The following ARHGEF6 variants were observed in gnomAD, a reference collection of about 807,000 sequenced individuals.
ARHGEF6 encodes the protein Rac/Cdc42 guanine nucleotide exchange factor 6.
Under a neutral mutation model 70.3 loss-of-function variants are expected in ARHGEF6, and 9 were observed. That is an observed-to-expected ratio of 0.13 (90% CI 0.08 to 0.22). ARHGEF6 has a LOEUF of 0.22. ARHGEF6 is among the 10% of genes least tolerant of loss of function. The pLI, the probability that ARHGEF6 is intolerant of heterozygous loss-of-function variation, is 1.00. For missense variants in ARHGEF6, 470 were observed against 563.0 expected (o/e 0.83, Z 1.67); for synonymous variants, 201 against 207.8 (o/e 0.97, Z 0.28).
At chrX:136,672,519 C>T (rs2076235471) in intron 19 of ARHGEF6, among the ~76,000 whole-genome samples, 1 of 111,869 alleles carries the variant, frequency 8.9e-6, no homozygotes, top group Non-Finnish European at 1.9e-5. Flanking sequence ...AGTGTTTTGT[C>T]ATTGTAGTAA....
chrX:136,685,604 CAAAAA>C (rs377510796), intron 12 of ARHGEF6, 68 bp downstream of exon 12: 702 of 928,322 alleles, frequency 7.6e-4, no homozygotes, highest in Admixed American at 8.7e-4. Context: ...AAGACTCCGT[CAAAAA>C]AAAAAAAAAA....
At chrX:136,734,999 G>A (rs189042187) in intron 5 of ARHGEF6, among the ~76,000 whole-genome samples, 10 of 112,033 alleles carry the variant, frequency 8.9e-5, no homozygotes, top group African/African-American at 1.3e-4. Context: ...TTAATAAAGT[G>A]CATCTACAAA....
intron 15 of ARHGEF6, 80 bp downstream of exon 15, chrX:136,680,651 G>T: frequency 9.0e-7 from 1 of 1,111,534 alleles, no homozygotes; most frequent in Non-Finnish European, 1.2e-6. Flanking sequence ...GGGTGTGCTC[G>T]CTGCTTCTTG....
intron 16 of ARHGEF6, 95 bp from the exon 17 acceptor site, chrX:136,678,051 G>C: frequency 1.3e-6 from 1 of 775,928 alleles, no homozygotes; most frequent in Non-Finnish European, 2.0e-6. Context: ...AACAACATTT[G>C]AAATGTTAGT....
intron 9 of ARHGEF6, among the ~76,000 whole-genome samples, chrX:136,694,605 C>T (rs2076492594): frequency 9.0e-6 from 1 of 111,689 alleles, no homozygotes; most frequent in Admixed American, 9.5e-5. Context: ...TCTGTCTTAG[C>T]ACCAACTCCT....
chrX:136,740,056 T>G, intron 5 of ARHGEF6, among the ~76,000 whole-genome samples: 1 of 110,995 alleles, frequency 9.0e-6, no homozygotes, highest in Non-Finnish European at 1.9e-5. Context: ...TCACCCAGGC[T>G]GGAGTGCAGT....
intron 2 of ARHGEF6, among the ~76,000 whole-genome samples, chrX:136,778,505 G>A (rs73228710): frequency 1.4e-3 from 136 of 100,119 alleles, no homozygotes; most frequent in Non-Finnish European, 2.4e-3. Context: ...TTTTTTTTTC[G>A]AGACAAGGTC....
At chrX:136,694,056 CTTTTT>C (rs1222897407) in intron 9 of ARHGEF6, among the ~76,000 whole-genome samples, 1 of 96,220 alleles carries the variant, frequency 1.0e-5, no homozygotes, top group Non-Finnish European at 2.1e-5. Context: ...GTCCCCACTC[CTTTTT>C]TTTTTTTTTT....
At chrX:136,772,476 C>A (rs1392369044) in intron 2 of ARHGEF6, among the ~76,000 whole-genome samples, 1 of 112,521 alleles carries the variant, frequency 8.9e-6, no homozygotes, top group Non-Finnish European at 1.9e-5. Context: ...GATTATTACA[C>A]ATTGCATGCC....
At chrX:136,709,615 G>A (rs756355131) in intron 7 of ARHGEF6, among the ~76,000 whole-genome samples, 22 of 112,842 alleles carry the variant, frequency 1.9e-4, no homozygotes, top group Non-Finnish European at 3.2e-4. Context: ...TCTAGCTGCA[G>A]AGTCCATGCT....
rs1263719644 is a variant in ARHGEF6, at chrX:136,669,551, TA to T, written c.2136-16del. The T allele has an allele frequency of 8.4e-7, 1 of 1,193,253 alleles. No individual in the cohort carries two copies. The highest frequency in any genetic ancestry group is 3.0e-5 in the East Asian group (1 of 33,773). On this transcript the variant is annotated splice_polypyrimidine_tract_variant and intron_variant, in intron 20 of 21. Transcript: ENST00000250617. ...CAACAAGGCTCCTAGAAAATAAAGA[TA>T]AAATTCAGAGACAAATGGCTTGCAC... is the stretch of plus-strand genomic sequence containing the variant.
intron 5 of ARHGEF6, among the ~76,000 whole-genome samples, chrX:136,733,540 C>A (rs994726428): frequency 2.7e-5 from 3 of 111,459 alleles, no homozygotes; most frequent in African/African-American, 9.8e-5. Context: ...ATCTTTCTAA[C>A]CTTACCTGCA....
chrX:136,738,366 T>G (rs1412753627), intron 5 of ARHGEF6, among the ~76,000 whole-genome samples: 1 of 111,487 alleles, frequency 9.0e-6, no homozygotes, highest in Non-Finnish European at 1.9e-5. Flanking sequence ...CACAGAGACA[T>G]GCACACACAA....
intron 6 of ARHGEF6, among the ~76,000 whole-genome samples, chrX:136,716,940 TG>T (rs2076742766): frequency 9.0e-6 from 1 of 111,226 alleles, no homozygotes; most frequent in Admixed American, 9.5e-5. Flanking sequence ...GGAAAAAGAC[TG>T]GGGGTAAAAA....
intron 9 of ARHGEF6, among the ~76,000 whole-genome samples, chrX:136,694,333 G>A (rs1051807963): frequency 3.6e-5 from 4 of 112,110 alleles, no homozygotes; most frequent in South Asian, 3.7e-4. Context: ...GATTACAGGC[G>A]TGAGCCACCG....
chrX:136,727,199 G>T (rs920254347), intron 6 of ARHGEF6, among the ~76,000 whole-genome samples: 2 of 111,705 alleles, frequency 1.8e-5, no homozygotes, highest in Admixed American at 9.5e-5. Flanking sequence ...TGTGTTAAGG[G>T]GAAGTGGTTA....
chrX:136,726,108 T>C (rs928021240), intron 6 of ARHGEF6, among the ~76,000 whole-genome samples: 1 of 112,128 alleles, frequency 8.9e-6, no homozygotes, highest in Admixed American at 9.5e-5. Flanking sequence ...AAATATTACA[T>C]TATAGGAATT....
Position 136,708,756 on chromosome X carries a change from T to A in ARHGEF6, c.842A>T (p.Glu281Val). 1 of 1,192,862 alleles carries A rather than the reference T, an allele frequency of 8.4e-7. No homozygotes were observed. The highest frequency in any genetic ancestry group is 3.0e-5 in the East Asian group (1 of 33,472). Residue 281 changes from glutamate to valine, a missense_variant, in exon 8 of 22, where the codon GAG becomes GTG. By Grantham distance (121) the Glu-to-Val change is moderately radical. This residue lies in a region of ARHGEF6 where 379 missense variants were observed against 449.3 expected (regional missense o/e 0.84). Coordinates refer to ENST00000250617, the MANE Select transcript of ARHGEF6 (RefSeq NM_004840.3). ...GAAGTTTCCCAGTAAAGATGTAACCTCCACAGTACTCAGACTGAAAAAAAA... is the reference window on the plus strand; with the variant it reads ...GAAGTTTCCCAGTAAAGATGTAACCACCACAGTACTCAGACTGAAAAAAAA... ...LQSNNNLSTV[E>V]VTSLLGNFEE...
At chrX:136,746,902 T>A (rs1228367889) in intron 3 of ARHGEF6, among the ~76,000 whole-genome samples, 1 of 112,199 alleles carries the variant, frequency 8.9e-6, no homozygotes, top group African/African-American at 3.2e-5. Flanking sequence ...GTATGATTAT[T>A]ACTATTCAGC....
Sources: allele counts gnomAD v4.1 joint callset (sites outside exome capture counted in the v4.1 genomes callset), GRCh38; gene constraint gnomAD v4.1.1; regional missense constraint gnomAD v4.1.1; transcripts MANE v1.5; gene names NCBI Gene and HGNC (gene_info 2026-07-23, HGNC 2026-07-21).